UPK3BL2: variants seen among roughly 807,000 people sequenced by gnomAD.
UPK3BL2 encodes the protein uroplakin-3b-like protein 2.
A neutral mutation model predicts 11.3 loss-of-function variants in UPK3BL2; 1 was observed. The observed-to-expected ratio is 0.09, with a 90% CI of 0.03 to 0.42. The LOEUF is 0.42. Among genes scored for constraint, UPK3BL2 ranks in the 10% least tolerant of loss-of-function variants. The probability of loss-of-function intolerance (pLI) is 0.98; values close to 1 mark genes in which losing one functional copy is unlikely to be tolerated.
At chr7:102,540,886 G>GAAAAA (rs374079023) in intron 3 of UPK3BL2, among the ~76,000 whole-genome samples, 1 of 73,322 alleles carries the variant, frequency 1.4e-5, no homozygotes, top group Non-Finnish European at 2.9e-5. Flanking sequence ...AGAAGAAAAG[G>GAAAAA]AAAAAAAAAA....
At chr7:102,540,770 G>A (rs1343079791) in intron 3 of UPK3BL2, among the ~76,000 whole-genome samples, 1 of 150,724 alleles carries the variant, frequency 6.6e-6, no homozygotes, top group African/African-American at 2.4e-5. Context: ...CTTGAACCCG[G>A]GAGGCACAGG....
At chr7:102,540,860 A>AAAAAC (rs1800230379) in intron 3 of UPK3BL2, among the ~76,000 whole-genome samples, 2 of 62,436 alleles carry the variant, frequency 3.2e-5, no homozygotes, top group African/African-American at 1.1e-4. Context: ...CAAAACAAAA[A>AAAAAC]AAAAAAAAAA....
At chr7:102,540,366 G>GT (rs1800198706) in intron 3 of UPK3BL2, among the ~76,000 whole-genome samples, 1 of 81,274 alleles carries the variant, frequency 1.2e-5, no homozygotes, top group African/African-American at 4.0e-5. Context: ...CTGAACATGC[G>GT]TGAATCAAGC....
At chr7:102,543,296 T>TAAA (rs767375255) in intron 1 of UPK3BL2, among the ~76,000 whole-genome samples, 1 of 123,098 alleles carries the variant, frequency 8.1e-6, no homozygotes, top group African/African-American at 2.8e-5. Flanking sequence ...ACAAAAATCT[T>TAAA]AAAAAAAAAA....
intron 3 of UPK3BL2, among the ~76,000 whole-genome samples, chr7:102,540,855 CA>C (rs1158192702): frequency 1.2e-3 from 74 of 61,208 alleles, no homozygotes; most frequent in African/African-American, 3.0e-3. Flanking sequence ...AAAAACAAAA[CA>C]AAAAAAAAAA....
Position 102,540,875 on chromosome 7 carries a change from A to AG in UPK3BL2, c.485+217_485+218insC, listed in dbSNP as rs1368540794. Among the ~76,000 whole-genome samples the AG allele has an allele frequency of 6.7e-5, 8 of 118,932 alleles. No homozygotes were observed. In the South Asian group the frequency reaches 9.5e-4, roughly 14 times the overall value. The allele number at this position is 118,932 out of a possible 152,430, so 78.0% of individuals were successfully genotyped here. A position where few individuals can be genotyped will look rare whatever the true frequency, so the allele number is the denominator to read the frequency against. On this transcript the variant is annotated intron_variant, in intron 3 of 5. Transcript: ENST00000644544. The stretch of plus-strand genomic sequence containing the variant: ...CAAAACAAAAAAAAAAAAAAAAAAA[A>AG]AGAAGAAAAGGAAAAAAAAAAAAAA...
chr7:102,542,537 A>G (rs1167176502), intron 1 of UPK3BL2: 1 of 975,954 alleles, frequency 1.0e-6, no homozygotes, highest in Middle Eastern at 5.2e-4. Context: ...GCCCCTGTTC[A>G]GTTCAGTTCA....
intron 3 of UPK3BL2, among the ~76,000 whole-genome samples, chr7:102,540,855 C>CAAAAAAAAAAA (rs1158192702): frequency 1.4e-3 from 88 of 61,252 alleles, no homozygotes; most frequent in African/African-American, 2.4e-3. Flanking sequence ...AAAAACAAAA[C>CAAAAAAAAAAA]AAAAAAAAAA....
chr7:102,540,867 AAAAAAAAAAGAAGAAAAGG>A (rs1800232985), intron 3 of UPK3BL2, among the ~76,000 whole-genome samples: 1 of 132,130 alleles, frequency 7.6e-6, no homozygotes, highest in Non-Finnish European at 1.7e-5. Context: ...AAAAAAAAAA[AAAAAAAAAAGAAGAAAAGG>A]AAAAAAAAAA....
intron 1 of UPK3BL2, among the ~76,000 whole-genome samples, chr7:102,542,952 C>T (rs1323131540): frequency 2.0e-5 from 3 of 151,972 alleles, no homozygotes; most frequent in African/African-American, 4.8e-5. Context: ...GAGCCGAGAT[C>T]GCGCCACTGT....
At chr7:102,540,784 C>A (rs1352960521) in intron 3 of UPK3BL2, among the ~76,000 whole-genome samples, 1 of 146,430 alleles carries the variant, frequency 6.8e-6, no homozygotes, top group Non-Finnish European at 1.5e-5. Flanking sequence ...GCACAGGTTG[C>A]AGTGAGCCGA....
intron 3 of UPK3BL2, 109 bp downstream of exon 3, chr7:102,540,984 C>T (rs1432533275): frequency 3.1e-6 from 1 of 327,182 alleles, no homozygotes; most frequent in Non-Finnish European, 5.8e-6. Context: ...CAAGCAGGAG[C>T]AGGGGACCCA....
chr7:102,540,899 A>G (rs1365807219), intron 3 of UPK3BL2, among the ~76,000 whole-genome samples, 194 bp downstream of exon 3: 13 of 128,844 alleles, frequency 1.0e-4, no homozygotes, highest in East Asian at 4.6e-4. Flanking sequence ...AAAAAAAAAA[A>G]AGAGAAGAAG....
At chr7:102,540,936 T>C (rs1586800258) in intron 3 of UPK3BL2, among the ~76,000 whole-genome samples, 157 bp downstream of exon 3, 1 of 114,304 alleles carries the variant, frequency 8.7e-6, no homozygotes, top group African/African-American at 3.0e-5. Context: ...CATGAAGGCC[T>C]CCCTAGCCCC....
chr7:102,540,889 A>C (rs1800242722), intron 3 of UPK3BL2, among the ~76,000 whole-genome samples: 1 of 127,270 alleles, frequency 7.9e-6, no homozygotes, highest in Non-Finnish European at 1.7e-5. Context: ...AGAAAAGGAA[A>C]AAAAAAAAAA....
At chr7:102,540,882 A>AAAG (rs1800239880) in intron 3 of UPK3BL2, among the ~76,000 whole-genome samples, 1 of 107,986 alleles carries the variant, frequency 9.3e-6, no homozygotes, top group African/African-American at 3.7e-5. Flanking sequence ...AAAAAGAAGA[A>AAAG]AAGGAAAAAA....
At chr7:102,537,930 G>C (rs1260085211), downstream of UPK3BL2, 1 of 185,532 alleles carries the variant, frequency 5.4e-6, no homozygotes, top group African/African-American at 2.4e-5. Context: ...AGGTTTTGGG[G>C]GCATTTATTT....
chr7:102,540,863 A>ACAAAACAAAAC (rs1563689700), intron 3 of UPK3BL2, among the ~76,000 whole-genome samples: 1 of 130,956 alleles, frequency 7.6e-6, no homozygotes, highest in African/African-American at 3.0e-5. Context: ...AACAAAAAAA[A>ACAAAACAAAAC]AAAAAAAAAA....
intron 3 of UPK3BL2, among the ~76,000 whole-genome samples, chr7:102,540,857 A>AAACAC (rs1488444467): frequency 2.2e-5 from 2 of 92,288 alleles, no homozygotes; most frequent in African/African-American, 9.8e-5. Context: ...AAACAAAACA[A>AAACAC]AAAAAAAAAA....
Sources: gnomAD v4.1 joint callset for allele counts (sites outside exome capture counted in the v4.1 genomes callset) on GRCh38, gnomAD v4.1.1 for gene constraint, MANE v1.5 for transcripts, NCBI Gene and HGNC (gene_info 2026-07-23, HGNC 2026-07-21) for gene names.